GALNT13: variants seen among roughly 807,000 people sequenced by gnomAD.
GALNT13 encodes the protein polypeptide N-acetylgalactosaminyltransferase 13.
In GALNT13, 28 loss-of-function variants were observed where a neutral mutation model predicts 64.2. The ratio of observed to expected loss-of-function variants is 0.44; its 90% CI spans 0.32 to 0.60. The LOEUF is 0.60. Ranked by LOEUF, GALNT13 falls within the 20% of genes least tolerant of loss-of-function variation. GALNT13 has a pLI of 0.05. For synonymous variants in GALNT13, 214 were observed against 224.6 expected, an observed-to-expected ratio of 0.95 and a Z score of 0.42; for missense variants, 577 against 669.8, an observed-to-expected ratio of 0.86 and a Z score of 1.53.
chr2:153,815,086 T>C, the GALNT13 span, among the ~76,000 whole-genome samples: 1 of 152,318 alleles, frequency 6.6e-6, no homozygotes, highest in African/African-American at 2.4e-5. Flanking sequence ...TTGCCTACTC[T>C]TTGCTAAACA....
chr2:154,404,367 C>G (rs1367591601), intron 10 of GALNT13, among the ~76,000 whole-genome samples: 1 of 152,154 alleles, frequency 6.6e-6, no homozygotes, highest in Non-Finnish European at 1.5e-5. Context: ...ACGACTAGAA[C>G]AGCAAAACTT....
chr2:154,175,579 A>C (rs184564504), intron 4 of GALNT13, among the ~76,000 whole-genome samples: 1 of 152,172 alleles, frequency 6.6e-6, no homozygotes, highest in Non-Finnish European at 1.5e-5. Context: ...GGGGATTCTT[A>C]ACCTTTAAAT....
At chr2:154,242,958 A>T in intron 6 of GALNT13, 53 bp downstream of exon 6, 1 of 1,390,792 alleles carries the variant, frequency 7.2e-7, no homozygotes, top group Non-Finnish European at 1.0e-6. Flanking sequence ...CTCTTAGGAC[A>T]GTTCCAGATG....
intron 1 of GALNT13, among the ~76,000 whole-genome samples, chr2:153,899,072 A>G (rs72863655): frequency 0.077 from 11,718 of 152,224 alleles, 516 homozygotes; most frequent in East Asian, 0.13. Flanking sequence ...TTTTATGAGA[A>G]ATCTTCTGCT....
intron 12 of GALNT13, chr2:154,445,825 C>T: frequency 7.8e-7 from 1 of 1,288,496 alleles, no homozygotes; most frequent in Non-Finnish European, 1.0e-6. Context: ...CTCCCAAGGG[C>T]AGGCACGGAG....
chr2:153,894,605 A>G (rs1687772399), intron 1 of GALNT13, among the ~76,000 whole-genome samples: 1 of 152,188 alleles, frequency 6.6e-6, no homozygotes, highest in African/African-American at 2.4e-5. Flanking sequence ...GAGGGAGGAC[A>G]TACTAGGGAT....
the GALNT13 span, among the ~76,000 whole-genome samples, chr2:153,350,531 C>T: frequency 5.8e-4 from 88 of 151,818 alleles, no homozygotes; most frequent in African/African-American, 1.8e-3. Flanking sequence ...TACAGGCATC[C>T]GCCACCATAT....
At chr2:153,966,545 T>C (rs1234350568) in intron 3 of GALNT13, among the ~76,000 whole-genome samples, 1 of 152,016 alleles carries the variant, frequency 6.6e-6, no homozygotes, top group African/African-American at 2.4e-5. Flanking sequence ...TTTTTTTGTA[T>C]TTTTAGTAGA....
intron 3 of GALNT13, among the ~76,000 whole-genome samples, chr2:154,109,413 A>G (rs528317166): frequency 4.6e-5 from 7 of 152,178 alleles, no homozygotes; most frequent in Admixed American, 1.3e-4. Flanking sequence ...AGATCATGTC[A>G]TCAGCAAATA....
chr2:154,110,233 C>CAGGTGTGG (rs1463411774), intron 3 of GALNT13, among the ~76,000 whole-genome samples: 1 of 129,052 alleles, frequency 7.7e-6, no homozygotes, highest in Non-Finnish European at 1.6e-5. Context: ...TTTGGGGGAG[C>CAGGTGTGG]AGGTGTGGAC....
the GALNT13 span, among the ~76,000 whole-genome samples, chr2:153,834,261 G>A: frequency 1.3e-5 from 2 of 152,104 alleles, no homozygotes; most frequent in Non-Finnish European, 2.9e-5. Context: ...TGCAAGATAT[G>A]CAAACTGGAA....
At chr2:154,412,626 T>C (rs1212434134) in intron 11 of GALNT13, among the ~76,000 whole-genome samples, 8 of 151,828 alleles carry the variant, frequency 5.3e-5, no homozygotes, top group Non-Finnish European at 1.2e-4. Context: ...TAGGGGTTTT[T>C]TAAGGCCTTG....
the GALNT13 span, among the ~76,000 whole-genome samples, chr2:153,105,236 G>A: frequency 2.0e-5 from 3 of 151,698 alleles, no homozygotes; most frequent in Non-Finnish European, 4.4e-5. Flanking sequence ...ATCAATAAAT[G>A]TAATCCAGCA....
chr2:154,394,063 G>C (rs1698936676), intron 9 of GALNT13, among the ~76,000 whole-genome samples: 1 of 92,724 alleles, frequency 1.1e-5, no homozygotes, highest in African/African-American at 4.4e-5. Flanking sequence ...GGGCGACAGA[G>C]CGAGACTCCG....
At chr2:153,401,524 G>T in the GALNT13 span, among the ~76,000 whole-genome samples, 2 of 147,968 alleles carry the variant, frequency 1.4e-5, no homozygotes, top group Non-Finnish European at 3.0e-5. Context: ...TTGACAGTGG[G>T]GTGTTAAAGT....
At chr2:153,146,121 C>T in the GALNT13 span, among the ~76,000 whole-genome samples, 1 of 151,498 alleles carries the variant, frequency 6.6e-6, no homozygotes, top group Non-Finnish European at 1.5e-5. Flanking sequence ...ACCATGCTTC[C>T]TCTCCCTGAA....
intron 3 of GALNT13, among the ~76,000 whole-genome samples, chr2:154,090,019 G>A (rs1381189207): frequency 6.6e-6 from 1 of 152,014 alleles, no homozygotes; most frequent in Non-Finnish European, 1.5e-5. Context: ...AGATGACTTT[G>A]TCATGAGTGT....
At chr2:154,385,477 G>A (rs941553604) in intron 9 of GALNT13, among the ~76,000 whole-genome samples, 1 of 151,814 alleles carries the variant, frequency 6.6e-6, no homozygotes, top group African/African-American at 2.4e-5. Flanking sequence ...CAAGAGCATG[G>A]ATTTTGATAT....
At chr2:154,347,358 T>G (rs1186843472) in intron 9 of GALNT13, among the ~76,000 whole-genome samples, 1 of 152,152 alleles carries the variant, frequency 6.6e-6, no homozygotes, top group Non-Finnish European at 1.5e-5. Context: ...GTTATAATAT[T>G]TTATTCCCAA....
Sources: allele counts gnomAD v4.1 joint callset (sites outside exome capture counted in the v4.1 genomes callset), GRCh38; gene constraint gnomAD v4.1.1; transcripts MANE v1.5; gene names NCBI Gene and HGNC (gene_info 2026-07-23, HGNC 2026-07-21).